The following CCDC85C variants were observed in gnomAD, a reference collection of about 807,000 sequenced individuals.
CCDC85C encodes coiled-coil domain containing 85C.
A neutral mutation model predicts 38.3 loss-of-function variants in CCDC85C; 18 were observed. The observed-to-expected ratio is 0.47, with a 90% confidence interval of 0.33 to 0.70. The LOEUF (loss-of-function observed/expected upper bound fraction) is 0.70, where lower values mean the gene tolerates loss of function less well. CCDC85C is among the 30% of genes least tolerant of loss of function. The probability of loss-of-function intolerance (pLI) is 0.03; values close to 1 mark genes in which losing one functional copy is unlikely to be tolerated. For synonymous variants in CCDC85C, 264 were observed against 293.8 expected (o/e 0.90, Z 1.04); for missense variants, 566 against 621.2 (o/e 0.91, Z 0.94).
intron 1 of CCDC85C, among the ~76,000 whole-genome samples, chr14:99,577,643 T>C (rs1003622158): frequency 6.6e-6 from 1 of 152,002 alleles, no homozygotes; most frequent in East Asian, 1.9e-4. Flanking sequence ...TGTGCATGTA[T>C]CCATGCCCAT....
At chr14:99,577,211 C>T (rs1372746301) in intron 1 of CCDC85C, among the ~76,000 whole-genome samples, 2 of 151,926 alleles carry the variant, frequency 1.3e-5, no homozygotes, top group Non-Finnish European at 1.5e-5. Flanking sequence ...AATAAACACA[C>T]ACTGAATAGG....
rs1897532732 is a variant in CCDC85C, at chr14:99,533,523, T to G, written c.867+2492A>C. On this transcript the variant is annotated intron_variant, in intron 2 of 5. Transcript: ENST00000380243. The surrounding 1 kb of genome is among the most constrained non-coding windows in gnomAD (Gnocchi z 4.2). ...GTATGTAACAACAAGCAGGCAACAG[T>G]GGGTTTCTGTCCCTAAATTCCAGTC... Among the ~76,000 whole-genome samples, 1 of 152,338 alleles carries G rather than the reference T, an allele frequency of 6.6e-6. No individual in the cohort carries two copies. Among genetic ancestry groups the G allele is most frequent in the Non-Finnish European group, 1.5e-5 (1 of 68,028 alleles).
rs1481079499 is a variant in CCDC85C, at chr14:99,576,253, C to G, written c.793+26914G>C. On this transcript the variant is annotated intron_variant, in intron 1 of 5. Coordinates refer to ENST00000380243, the MANE Select transcript of CCDC85C (RefSeq NM_001144995.2). The surrounding 1 kb of genome is among the most constrained non-coding windows in gnomAD (Gnocchi z 4.8). ...ACTCAGAGCATGGCTGCTTTGCACA[C>G]AGGCCTCCCGAAGCCCACCCTCTGA... is the stretch of plus-strand genomic sequence containing the variant. 6.6e-6 allele frequency among the ~76,000 whole-genome samples: 1 copy of G among 152,226 alleles called. No individual in the cohort carries two copies. The highest frequency in any genetic ancestry group is 2.4e-5 in the African/African-American group (1 of 41,470).
chr14:99,557,978 C>T (rs913411458), intron 1 of CCDC85C, among the ~76,000 whole-genome samples: 7 of 152,150 alleles, frequency 4.6e-5, no homozygotes, highest in African/African-American at 1.7e-4. Flanking sequence ...CCAAACATAA[C>T]ATAAAATAGC....
intron 1 of CCDC85C, among the ~76,000 whole-genome samples, chr14:99,556,803 A>G (rs1898018871): frequency 6.6e-6 from 1 of 152,132 alleles, no homozygotes; most frequent in South Asian, 2.1e-4. Flanking sequence ...CTCGGATTAC[A>G]GGTATGAGCC....
At chr14:99,542,787 G>A (rs1897738084) in intron 1 of CCDC85C, among the ~76,000 whole-genome samples, 1 of 152,248 alleles carries the variant, frequency 6.6e-6, no homozygotes, top group South Asian at 2.1e-4. Flanking sequence ...AGGCCCAGCG[G>A]GTCCTGCAGC....
At chr14:99,542,528 A>G (rs12896891) in intron 1 of CCDC85C, among the ~76,000 whole-genome samples, 67,737 of 152,074 alleles carry the variant, frequency 0.45, 15,896 homozygotes, top group South Asian at 0.56. Context: ...TTACAGATGA[A>G]GAAACTGAGG....
rs1435665510 is a variant in CCDC85C at position 99,513,263 on chromosome 14, A to C, written c.*1983T>G. 2 of 152,184 alleles carry C rather than the reference A, an allele frequency of 1.3e-5. No individual in the cohort carries two copies. Among genetic ancestry groups the C allele is most frequent in the African/African-American group, 4.8e-5 (2 of 41,446 alleles). The allele number at this position is 152,184 out of a possible 1,614,324, so 9.4% of individuals were successfully genotyped here. A position where few individuals can be genotyped will look rare whatever the true frequency, so the allele number is the denominator to read the frequency against. ...GGGCTCCCAGACTTGGCTGCCACTCAAAATGGACCCACAGCCCTTGGGCTA... is the reference window on the plus strand; with the variant it reads ...GGGCTCCCAGACTTGGCTGCCACTCCAAATGGACCCACAGCCCTTGGGCTA... On this transcript the variant is annotated 3_prime_UTR_variant, in exon 6 of 6. Transcript: ENST00000380243.
rs114855080 is a variant in CCDC85C at position 99,598,381 on chromosome 14, C to T, written c.793+4786G>A. 2.0e-5 allele frequency among the ~76,000 whole-genome samples: 3 copies of T among 152,326 alleles called. No homozygotes were observed. The South Asian group carries it at 6.2e-4, about 32-fold the overall frequency. ...ATTTCCTTCTGTATCACGTGCTGGTCCTGGGAACTCAGAGGCCAGGCCTGA... is the reference window on the plus strand; with the variant it reads ...ATTTCCTTCTGTATCACGTGCTGGTTCTGGGAACTCAGAGGCCAGGCCTGA... On this transcript the variant is annotated intron_variant, in intron 1 of 5. Coordinates refer to ENST00000380243, the MANE Select transcript of CCDC85C (RefSeq NM_001144995.2).
intron 2 of CCDC85C, among the ~76,000 whole-genome samples, chr14:99,526,383 G>A (rs991935126): frequency 2.6e-5 from 4 of 152,248 alleles, no homozygotes; most frequent in Admixed American, 1.3e-4. Context: ...CCAGGTCCCC[G>A]TGGTCACTGT....
chr14:99,568,258 T>A (rs546671658), intron 1 of CCDC85C, among the ~76,000 whole-genome samples: 28 of 138,124 alleles, frequency 2.0e-4, no homozygotes, highest in South Asian at 9.9e-4. Flanking sequence ...TTATTTTTTT[T>A]TTTTTTTTTT....
At chr14:99,536,211 CA>C in intron 1 of CCDC85C, 123 bp from the exon 2 acceptor site, 1 of 716,776 alleles carries the variant, frequency 1.4e-6, no homozygotes, top group South Asian at 1.6e-5. Flanking sequence ...ACCCCACAGC[CA>C]GGTGACGCCC....
At chr14:99,566,652 G>C (rs1019284183) in intron 1 of CCDC85C, among the ~76,000 whole-genome samples, 2 of 152,154 alleles carry the variant, frequency 1.3e-5, no homozygotes, top group Non-Finnish European at 2.9e-5. Flanking sequence ...TCAGTGTCTG[G>C]GCAGGCGCCC....
rs952035764 is a variant in CCDC85C at position 99,533,842 on chromosome 14, C to G, written c.867+2173G>C. 1.3e-5 allele frequency among the ~76,000 whole-genome samples: 2 copies of G among 152,150 alleles called. No individual in the cohort carries two copies. Among genetic ancestry groups the G allele is most frequent in the African/African-American group, 4.8e-5 (2 of 41,432 alleles). On this transcript the variant is annotated intron_variant, in intron 2 of 5. Transcript: ENST00000380243. This position sits in a 1 kb window ranked among gnomAD's most constrained non-coding sequence, Gnocchi z 4.2. Reference sequence around the variant, plus strand: ...TATGGTGGAGGGCCCCCTGTGAGACCGGGGGGCACCCCAGGAAGGAAGGCA... The same window carrying G: ...TATGGTGGAGGGCCCCCTGTGAGACGGGGGGGCACCCCAGGAAGGAAGGCA...
Position 99,548,990 on chromosome 14 carries a change from G to A in CCDC85C, c.794-12902C>T, listed in dbSNP as rs142856616. 4.1e-4 allele frequency among the ~76,000 whole-genome samples: 63 copies of A among 152,254 alleles called. No homozygotes were observed. Among genetic ancestry groups the A allele is most frequent in the Non-Finnish European group, 6.2e-4 (42 of 68,018 alleles). ...CAGGAGAAATTTTTAAAAACTGCAC[G>A]AGAATGCTGAGCTCCGATTCTGGGC... On this transcript the variant is annotated intron_variant, in intron 1 of 5. Coordinates refer to ENST00000380243, the MANE Select transcript of CCDC85C (RefSeq NM_001144995.2). The surrounding 1 kb of genome is among the most constrained non-coding windows in gnomAD (Gnocchi z 4.9).
intron 3 of CCDC85C, among the ~76,000 whole-genome samples, chr14:99,519,645 G>A (rs1339790269): frequency 1.3e-5 from 2 of 152,096 alleles, no homozygotes; most frequent in East Asian, 1.9e-4. Flanking sequence ...GCCCAAACAT[G>A]GAAACGATCC....
At chr14:99,601,475 C>T (rs1455863722) in intron 1 of CCDC85C, among the ~76,000 whole-genome samples, 1 of 152,214 alleles carries the variant, frequency 6.6e-6, no homozygotes, top group Non-Finnish European at 1.5e-5. Flanking sequence ...CACTCCAGCC[C>T]TCCAGTGTCC....
In CCDC85C at chr14:99,522,519, CCAGTGA is replaced by C. The variant is rs553229922; in HGVS notation, c.868-285_868-280del. On this transcript the variant is annotated intron_variant, in intron 2 of 5. Transcript: ENST00000380243. ...GAATGAATGAATGAATGAAGAAGAG[CCAGTGA>C]GAGCGAGTGAGGAGAGAGTGTCTCT... is the stretch of plus-strand genomic sequence containing the variant. The C allele has an allele frequency of 1.8e-3, 214 of 119,078 alleles. 3 individuals are homozygous for C. The highest frequency in any genetic ancestry group is 0.01 in the Admixed American group (57 of 5,550). The allele number at this position is 119,078 out of a possible 1,614,324, so 7.4% of individuals were successfully genotyped here.
In CCDC85C at chr14:99,504,072, G is replaced by A; in HGVS notation, c.*11174C>T. ...AGCCCGGCCCAGCCCAGCTGCCCTT[G>A]CAGGCAAGGCCTCTTTGAAACACAC... On this transcript the variant is annotated 3_prime_UTR_variant, in exon 6 of 6. Transcript: ENST00000380243. The A allele has an allele frequency of 2.6e-6, 1 of 383,898 alleles. No individual in the cohort carries two copies. Among genetic ancestry groups the A allele is most frequent in the Non-Finnish European group, 5.2e-6 (1 of 193,460 alleles). 23.8% of individuals were successfully genotyped at this position (383,898 alleles called of 1,614,324 possible). A position where few individuals can be genotyped will look rare whatever the true frequency, so the allele number is the denominator to read the frequency against.
Sources: allele counts gnomAD v4.1 joint callset (sites outside exome capture counted in the v4.1 genomes callset), GRCh38; gene constraint gnomAD v4.1.1; non-coding constraint Gnocchi (gnomAD v3.1); transcripts MANE v1.5; gene names NCBI Gene and HGNC (gene_info 2026-07-23, HGNC 2026-07-21).